The following TTLL12 variants were observed in gnomAD, a reference collection of about 807,000 sequenced individuals.
TTLL12 encodes the protein tubulin tyrosine ligase like 12.
TTLL12 carries 77 observed loss-of-function variants against 79.6 expected under a neutral mutation model. The ratio of observed to expected loss-of-function variants is 0.97; its 90% confidence interval spans 0.81 to 1.17. The LOEUF (loss-of-function observed/expected upper bound fraction) is 1.17. TTLL12 is among the 50% of genes most tolerant of loss of function. The pLI, the probability that TTLL12 is intolerant of heterozygous loss-of-function variation, is 0.00. For synonymous variants in TTLL12, 437 were observed against 376.1 expected (o/e 1.16, Z -1.87); for missense variants, 969 against 895.9 (o/e 1.08, Z -1.04).
At chr22:43,173,659 C>G in intron 9 of TTLL12, 56 bp downstream of exon 9, 1 of 1,540,798 alleles carries the variant, frequency 6.5e-7, no homozygotes, top group South Asian at 1.1e-5. Context: ...TTAGCCCCAC[C>G]TCTCACTGTC....
intron 2 of TTLL12, 58 bp from the exon 3 acceptor site, chr22:43,180,998 G>A (rs767007037): frequency 1.3e-4 from 208 of 1,555,892 alleles, no homozygotes; most frequent in Non-Finnish European, 1.2e-4. Flanking sequence ...AAGGGAAGTC[G>A]GGGGAGCAAG....
rs28372913 is a variant in TTLL12, at chr22:43,174,187, C to T, written c.1229+22G>A. 6.8e-5 allele frequency: 108 copies of T among 1,596,440 alleles called. 2 individuals carry two copies. The East Asian group carries it at 1.1e-3, about 16-fold the overall frequency. The stretch of plus-strand genomic sequence containing the variant: ...CGGGGAAAAGGGCCATGGAGCACAC[C>T]GATGCCGTGTCTGGGACTTACCACC... On this transcript the variant is annotated intron_variant, in intron 8 of 13. Transcript: ENST00000216129.
At position 43,186,883 on chromosome 22, in the gene TTLL12, T is replaced by G; in HGVS notation, c.177+10A>C. On this transcript the variant is annotated intron_variant, in intron 1 of 13. Coordinates refer to ENST00000216129, the MANE Select transcript of TTLL12 (RefSeq NM_015140.4). Reference sequence around the variant, plus strand: ...CGGCCGCCGCACGTGCCCGCCGCCCTTCCCCGCACCTCGTGCTCCAGCTTG... The same window carrying G: ...CGGCCGCCGCACGTGCCCGCCGCCCGTCCCCGCACCTCGTGCTCCAGCTTG... 1.6e-6 allele frequency: 2 copies of G among 1,259,162 alleles called. No individual in the cohort carries two copies. The highest frequency in any genetic ancestry group is 2.0e-6 in the Non-Finnish European group (2 of 1,004,970). 78.0% of individuals were successfully genotyped at this position (1,259,162 alleles called of 1,614,324 possible).
At position 43,187,097 on chromosome 22, in the gene TTLL12, G is replaced by GCCGCCA. The variant is rs1442023975; in HGVS notation, c.-34_-29dup. The GCCGCCA allele has an allele frequency of 5.5e-6, 6 of 1,084,476 alleles. No homozygotes were observed. The highest frequency in any genetic ancestry group is 6.7e-6 in the Non-Finnish European group (6 of 896,668). The allele number at this position is 1,084,476 out of a possible 1,614,324, so 67.2% of individuals were successfully genotyped here. ...CGCCAGCACCCGCGCCGACTCCAGC[G>GCCGCCA]CCGCCACCGCCGCCGCCGCCCGCCG... On this transcript the variant is annotated 5_prime_UTR_variant, in exon 1 of 14. Transcript: ENST00000216129.
At chr22:43,175,029 C>T (rs954490411) in intron 6 of TTLL12, among the ~76,000 whole-genome samples, 1 of 152,226 alleles carries the variant, frequency 6.6e-6, no homozygotes, top group Non-Finnish European at 1.5e-5. Flanking sequence ...GGTGGAGGGA[C>T]CTTAGGCCCT....
Position 43,168,779 on chromosome 22 carries a change from G to C in TTLL12, c.1778C>G (p.Pro593Arg). ...VDLMLKWDNG[P>R]DGRRVMQPQI... ...AGATGGGGAGCCCCTCTTACCATCT[G>C]GGCCGTTGTCCCACTTCAGCATGAG... The change falls in exon 13 of 14, where the codon CCA (proline) becomes CGA (arginine). Residue 593 changes from proline to arginine, a missense_variant. Physicochemically the swap from Pro to Arg is moderately radical, Grantham distance 103. Transcript: ENST00000216129. The C allele has an allele frequency of 1.3e-6, 2 of 1,557,752 alleles. No homozygotes were observed. The highest frequency in any genetic ancestry group is 1.7e-6 in the Non-Finnish European group (2 of 1,151,422).
At chr22:43,178,385 G>A (rs138942) in intron 5 of TTLL12, among the ~76,000 whole-genome samples, 15,091 of 150,902 alleles carry the variant, frequency 0.1, 848 homozygotes, top group Non-Finnish European at 0.12. Context: ...GCAGTGGCGC[G>A]ATCTCGGCTC....
At position 43,167,872 on chromosome 22, in the gene TTLL12, C is replaced by T. The variant is rs1018003220; in HGVS notation, c.*136G>A. On this transcript the variant is annotated 3_prime_UTR_variant, in exon 14 of 14. Transcript: ENST00000216129. ...GGAGTGTGGCGCCGGGAGGATGGCT[C>T]GGCAGGACAGAGGCCTGGGGCTGAG... 2.6e-5 allele frequency: 30 copies of T among 1,158,124 alleles called. No homozygotes were observed. The highest frequency in any genetic ancestry group is 5.9e-5 in the South Asian group (4 of 67,808). The allele number at this position is 1,158,124 out of a possible 1,614,324, so 71.7% of individuals were successfully genotyped here.
chr22:43,186,383 T>A (rs1932187105), intron 1 of TTLL12, among the ~76,000 whole-genome samples: 1 of 152,184 alleles, frequency 6.6e-6, no homozygotes, highest in African/African-American at 2.4e-5. Context: ...TTCTTTAGAT[T>A]TCTCCTCCAC....
rs35300021 is a variant in TTLL12, at chr22:43,174,603, G to A, written c.930C>T (p.Asp310=). 3.7e-4 allele frequency: 604 copies of A among 1,611,010 alleles called. No individual in the cohort carries two copies. The highest frequency in any genetic ancestry group is 4.7e-4 in the Non-Finnish European group (552 of 1,179,034). ...TGAGGCTGCTGGCCACCTGCTGCAC[G>A]TCCGTGTAGACCCTGTGGGGAGAGC... ...PHGHIFKVYT[D]VQQVASSLTH... Residue 310 remains aspartate (D), a synonymous_variant, in exon 7 of 14, where the codon GAC becomes GAT. Coordinates refer to ENST00000216129, the MANE Select transcript of TTLL12 (RefSeq NM_015140.4).
At chr22:43,185,977 G>T (rs1932173286) in intron 1 of TTLL12, 1 of 985,448 alleles carries the variant, frequency 1.0e-6, no homozygotes, top group South Asian at 4.7e-5. Context: ...GTTTCCAGCA[G>T]GAAGGTTCCT....
At chr22:43,174,756 T>C in intron 6 of TTLL12, 141 bp from the exon 7 acceptor site, 1 of 641,194 alleles carries the variant, frequency 1.6e-6, no homozygotes. Flanking sequence ...GTCATGATGC[T>C]GGACAGCCCG....
chr22:43,176,537 C>T, intron 5 of TTLL12, 141 bp from the exon 6 acceptor site: 2 of 695,808 alleles, frequency 2.9e-6, no homozygotes, highest in South Asian at 3.3e-5. Flanking sequence ...CGAGACCAGC[C>T]TGGCCAACAT....
intron 1 of TTLL12, among the ~76,000 whole-genome samples, chr22:43,184,066 C>T (rs1004538267): frequency 6.6e-6 from 1 of 152,202 alleles, no homozygotes; most frequent in Non-Finnish European, 1.5e-5. Flanking sequence ...ACACGTGGCG[C>T]CATTGTTACA....
Position 43,172,519 on chromosome 22 carries a change from G to A in TTLL12, c.1377C>T (p.Phe459=). The A allele has an allele frequency of 1.2e-6, 2 of 1,614,134 alleles. No homozygotes were observed. The highest frequency in any genetic ancestry group is 2.2e-5 in the South Asian group (2 of 91,080). Residue 459 remains phenylalanine, a synonymous_variant, in exon 10 of 14, where the codon TTC becomes TTT. Transcript: ENST00000216129. The part of the protein sequence containing the change: ...VSKYIESPVL[F]LREDVGKVKF... ...TGACCTTTCCCACGTCTTCTCGAAG[G>A]AACAACACGGGACTTTCGATGTACT...
At chr22:43,169,228 TAGG>T (rs1931699216) in intron 12 of TTLL12, among the ~76,000 whole-genome samples, 1 of 152,178 alleles carries the variant, frequency 6.6e-6, no homozygotes, top group Admixed American at 6.5e-5. Context: ...ACTGGGAATC[TAGG>T]GTCAGGCAGT....
chr22:43,168,229 G>A (rs1931668683), intron 13 of TTLL12, 70 bp from the exon 14 acceptor site: 6 of 1,567,474 alleles, frequency 3.8e-6, no homozygotes, highest in East Asian at 2.3e-5. Flanking sequence ...GTGGCCTGGG[G>A]ATCCAGCAAA....
At chr22:43,181,994 G>C (rs1442425968) in intron 2 of TTLL12, among the ~76,000 whole-genome samples, 2 of 129,894 alleles carry the variant, frequency 1.5e-5, no homozygotes, top group African/African-American at 5.4e-5. Context: ...GAGACTCAGG[G>C]GGATGAAGGC....
In TTLL12 at chr22:43,167,881, A is replaced by G. The variant is rs563097599; in HGVS notation, c.*127T>C. On this transcript the variant is annotated 3_prime_UTR_variant, in exon 14 of 14. Coordinates refer to ENST00000216129, the MANE Select transcript of TTLL12 (RefSeq NM_015140.4). ...CGCCGGGAGGATGGCTCGGCAGGAC[A>G]GAGGCCTGGGGCTGAGGCTATGCCC... The G allele has an allele frequency of 2.1e-5, 26 of 1,251,008 alleles. 3 individuals are homozygous for G. The South Asian group carries it at 3.7e-4, about 18-fold the overall frequency. 77.5% of individuals were successfully genotyped at this position (1,251,008 alleles called of 1,614,324 possible).
Sources: gnomAD v4.1 joint callset for allele counts (sites outside exome capture counted in the v4.1 genomes callset) on GRCh38, gnomAD v4.1.1 for gene constraint, MANE v1.5 for transcripts, NCBI Gene and HGNC (gene_info 2026-07-23, HGNC 2026-07-21) for gene names.